The following SF3A1 variants were observed in gnomAD, a reference collection of about 807,000 sequenced individuals.
SF3A1 encodes SAP 114.
SF3A1 carries 13 observed loss-of-function variants against 89.9 expected under a neutral mutation model. That is an observed-to-expected ratio of 0.14 (90% CI 0.09 to 0.23). The LOEUF (loss-of-function observed/expected upper bound fraction) is 0.23, where lower values mean the gene tolerates loss of function less well. Among genes scored for constraint, SF3A1 ranks in the 10% least tolerant of loss-of-function variants. The pLI is 1.00. For synonymous variants in SF3A1, 405 were observed against 374.4 expected (o/e 1.08, Z -0.94); for missense variants, 604 against 1,022.1 (o/e 0.59, Z 5.58).
Position 30,346,492 on chromosome 22 carries a change from G to T in SF3A1, c.213C>A (p.Ile71=). ...ARNGPEFEAR[I]RQNEINNPKF... ...TGGGGTTGTTGATCTCGTTCTGTCG[G>T]ATCCTAGCTTCAAATTCAGGCCCGT... The change falls in exon 3 of 16, where the codon ATC becomes ATA. Residue 71 remains isoleucine (I), a synonymous_variant. Transcript: ENST00000215793. The T allele has an allele frequency of 6.2e-7, 1 of 1,613,992 alleles. No individual in the cohort carries two copies. Among genetic ancestry groups the T allele is most frequent in the Non-Finnish European group, 8.5e-7 (1 of 1,179,976 alleles).
At chr22:30,343,285 C>T (rs1931320298) in intron 4 of SF3A1, among the ~76,000 whole-genome samples, 1 of 152,148 alleles carries the variant, frequency 6.6e-6, no homozygotes, top group African/African-American at 2.4e-5. Flanking sequence ...TGCCCCACCT[C>T]CCTCTATTTC....
chr22:30,346,551 C>A lies in SF3A1; in HGVS notation c.186-32G>T, dbSNP rs199804113. 4.4e-4 allele frequency: 713 copies of A among 1,610,484 alleles called. 6 individuals are homozygous for A. The African/African-American group carries it at 8.5e-3, about 19-fold the overall frequency. On this transcript the variant is annotated intron_variant, in intron 2 of 15. Transcript: ENST00000215793. ...GAAGAAAAAACAACAAGAATAAACA[C>A]CACTCCCTTGTGCCTGCTGTGATCT...
In SF3A1 at chr22:30,356,755, G is replaced by A. The variant is rs1277272084; in HGVS notation, c.38C>T (p.Pro13Leu). ...AGPVQAVPPPPPVPTEPKQPT... is the reference protein window; with the variant it reads ...AGPVQAVPPPLPVPTEPKQPT... ...CTGTTTGGGCTCCGTGGGCACGGGC[G>A]GCGGCGGGGGCACCGCCTGCACGGG... Residue 13 changes from proline to leucine, a missense_variant, in exon 1 of 16, where the codon CCG becomes CTG. Coordinates refer to ENST00000215793, the MANE Select transcript of SF3A1 (RefSeq NM_005877.6). 2.0e-6 allele frequency: 3 copies of A among 1,485,256 alleles called. No individual in the cohort carries two copies. Among genetic ancestry groups the A allele is most frequent in the African/African-American group, 1.4e-5 (1 of 69,348 alleles). The allele number at this position is 1,485,256 out of a possible 1,614,324, so 92.0% of individuals were successfully genotyped here.
In SF3A1 at chr22:30,355,897, G is replaced by A. The variant is rs1376817717; in HGVS notation, c.63+833C>T. The stretch of plus-strand genomic sequence containing the variant: ...ATAAATATTTGCTGGATGAATAAAG[G>A]ATGCTATTTCCCTTCCCTAGTCACC... On this transcript the variant is annotated intron_variant, in intron 1 of 15. Transcript: ENST00000215793. Among the ~76,000 whole-genome samples the A allele has an allele frequency of 7.9e-5, 11 of 138,688 alleles. No individual in the cohort carries two copies. In the South Asian group the frequency reaches 1.1e-3, roughly 14 times the overall value. The allele number at this position is 138,688 out of a possible 152,430, so 91.0% of individuals were successfully genotyped here.
In SF3A1 at chr22:30,344,063, T is replaced by C. The variant is rs144709750; in HGVS notation, c.651+870A>G. On this transcript the variant is annotated intron_variant, in intron 4 of 15. Coordinates refer to ENST00000215793, the MANE Select transcript of SF3A1 (RefSeq NM_005877.6). ...GTCAGTGCACTTTGCAATAAATTAA[T>C]AATCTGATTATTTTAAATGCCAGAA... Among the ~76,000 whole-genome samples the C allele has an allele frequency of 4.5e-4, 69 of 152,342 alleles. 1 individual carries two copies. The Middle Eastern group carries it at 0.017, about 38-fold the overall frequency.
intron 2 of SF3A1, among the ~76,000 whole-genome samples, chr22:30,349,585 G>C (rs946748079): frequency 3.3e-5 from 5 of 151,302 alleles, no homozygotes; most frequent in African/African-American, 9.7e-5. Context: ...CTGGCTCACA[G>C]ATTTTAGAAA....
rs1262835750 is a variant in SF3A1 at position 30,353,084 on chromosome 22, G to A, written c.64-12C>T. The A allele has an allele frequency of 6.2e-7, 1 of 1,613,482 alleles. No individual in the cohort carries two copies. Among genetic ancestry groups the A allele is most frequent in the Admixed American group, 1.7e-5 (1 of 59,946 alleles). ...TCTTCTTCTGTGGGCTGTGCAAACA[G>A]GAAAAGAAATAAGGTTTTAAAGTCC... On this transcript the variant is annotated splice_polypyrimidine_tract_variant and intron_variant, in intron 1 of 15. Coordinates refer to ENST00000215793, the MANE Select transcript of SF3A1 (RefSeq NM_005877.6).
At chr22:30,347,432 G>T (rs1221155608) in intron 2 of SF3A1, among the ~76,000 whole-genome samples, 1 of 152,188 alleles carries the variant, frequency 6.6e-6, no homozygotes, top group East Asian at 1.9e-4. Flanking sequence ...TCGTACAGCT[G>T]TATAAGGCAC....
At position 30,333,404 on chromosome 22, in the gene SF3A1, ATG is replaced by A. The variant is rs1414283629; in HGVS notation, c.*1188_*1189del. ...CTGGGAACTCTCAGGGGCCACACAC[ATG>A]TGAGATCTTCCCAATAAAATCAGCC... On this transcript the variant is annotated 3_prime_UTR_variant, in exon 16 of 16. Transcript: ENST00000215793. The A allele has an allele frequency of 3.3e-5, 5 of 152,212 alleles. No individual in the cohort carries two copies. The highest frequency in any genetic ancestry group is 4.8e-5 in the African/African-American group (2 of 41,450). The allele number at this position is 152,212 out of a possible 1,614,324, so 9.4% of individuals were successfully genotyped here.
intron 2 of SF3A1, among the ~76,000 whole-genome samples, chr22:30,348,090 C>T (rs950873345): frequency 1.3e-5 from 2 of 152,242 alleles, no homozygotes; most frequent in African/African-American, 4.8e-5. Flanking sequence ...AGCGCCTTGG[C>T]CTCCCAAAGT....
intron 2 of SF3A1, among the ~76,000 whole-genome samples, chr22:30,351,331 G>C (rs1231405959): frequency 6.6e-6 from 1 of 151,952 alleles, no homozygotes; most frequent in African/African-American, 2.4e-5. Context: ...TCTAACCAAA[G>C]TAATCTTTAT....
intron 12 of SF3A1, 97 bp downstream of exon 12, chr22:30,337,593 G>T: frequency 1.3e-6 from 1 of 741,634 alleles, no homozygotes; most frequent in Non-Finnish European, 2.4e-6. Context: ...TACCCTGCTG[G>T]AACAGCTGGC....
intron 3 of SF3A1, among the ~76,000 whole-genome samples, chr22:30,345,958 G>C (rs1931404994): frequency 6.6e-6 from 1 of 152,108 alleles, no homozygotes. Context: ...CTTCAGCACA[G>C]CCAAGTAGGA....
chr22:30,335,631 AG>A lies in SF3A1; in HGVS notation c.2208+20del, dbSNP rs1461706104. ...GCTTGGTTCCCATGCACCTGATGCC[AG>A]TTTCTGGCAGTACCCATACCTGGTC... On this transcript the variant is annotated intron_variant, in intron 14 of 15. Transcript: ENST00000215793. The A allele has an allele frequency of 6.2e-7, 1 of 1,613,162 alleles. No homozygotes were observed. Among genetic ancestry groups the A allele is most frequent in the Non-Finnish European group, 8.5e-7 (1 of 1,179,098 alleles).
Position 30,334,661 on chromosome 22 carries a change from T to C in SF3A1, c.2315A>G (p.Tyr772Cys), listed in dbSNP as rs967054661. Residue 772 changes from tyrosine to cysteine, a missense_variant, in exon 16 of 16, where the codon TAC (tyrosine) becomes TGC (cysteine). Coordinates refer to ENST00000215793, the MANE Select transcript of SF3A1 (RefSeq NM_005877.6). ...GACTGCGCCATTGGCCATGTTGTAG[T>C]AAGCCAGTGAGTTGGAATCTTTGAT... Reference protein sequence around the residue: ...IFIKDSNSLAYYNMANGAVIH... With the variant: ...IFIKDSNSLACYNMANGAVIH... 1.6e-5 allele frequency: 26 copies of C among 1,593,176 alleles called. No homozygotes were observed. Among genetic ancestry groups the C allele is most frequent in the East Asian group, 1.1e-4 (5 of 43,546 alleles).
chr22:30,338,017 C>T (rs905942330), intron 11 of SF3A1, 120 bp from the exon 12 acceptor site: 11 of 752,302 alleles, frequency 1.5e-5, no homozygotes, highest in South Asian at 1.1e-4. Context: ...ACGTCCTGGC[C>T]CCCTGGGACT....
intron 2 of SF3A1, among the ~76,000 whole-genome samples, chr22:30,351,953 T>TA (rs953198636): frequency 2.0e-5 from 3 of 152,278 alleles, no homozygotes; most frequent in African/African-American, 2.4e-5. Flanking sequence ...AAGGGGCCAG[T>TA]AAAAAAATTC....
intron 7 of SF3A1, among the ~76,000 whole-genome samples, chr22:30,341,432 G>A (rs1247351374): frequency 1.3e-5 from 2 of 152,228 alleles, no homozygotes; most frequent in Admixed American, 6.5e-5. Context: ...GAGGCAGTGA[G>A]AGCAGGCTGT....
Position 30,338,966 on chromosome 22 carries a change from G to A in SF3A1, c.1566C>T (p.Leu522=), listed in dbSNP as rs1931164747. The A allele has an allele frequency of 1.2e-6, 2 of 1,614,252 alleles. No individual in the cohort carries two copies. The highest frequency in any genetic ancestry group is 2.2e-5 in the East Asian group (1 of 44,878). Residue 522 remains leucine, a synonymous_variant, in exon 11 of 16, where the codon CTC becomes CTT. Coordinates refer to ENST00000215793, the MANE Select transcript of SF3A1 (RefSeq NM_005877.6). Reference sequence around the variant, plus strand: ...TGTGAATGGCCTCAATCTGCTCCTGGAGGGTGATGTTGGCCTGGGCAGCCT... The same window carrying A: ...TGTGAATGGCCTCAATCTGCTCCTGAAGGGTGATGTTGGCCTGGGCAGCCT... The part of the protein sequence containing the change: ...TQQAAQANIT[L]QEQIEAIHKA...
Sources: gnomAD v4.1 joint callset for allele counts (sites outside exome capture counted in the v4.1 genomes callset) on GRCh38, gnomAD v4.1.1 for gene constraint, MANE v1.5 for transcripts, NCBI Gene and HGNC (gene_info 2026-07-23, HGNC 2026-07-21) for gene names.